ADGRB3: variants seen among roughly 807,000 people sequenced by gnomAD.
ADGRB3 encodes the protein adhesion G protein-coupled receptor B3, also known as brain-specific angiogenesis inhibitor 3.
ADGRB3 carries 37 observed loss-of-function variants against 193.4 expected under a neutral mutation model. The observed-to-expected ratio is 0.19, with a 90% CI of 0.15 to 0.25. The LOEUF (loss-of-function observed/expected upper bound fraction) is 0.25, where lower values mean the gene tolerates loss of function less well. Ranked by LOEUF, ADGRB3 falls within the 10% of genes least tolerant of loss-of-function variation. The pLI is 1.00. For synonymous variants in ADGRB3, 690 were observed against 644.2 expected, an observed-to-expected ratio of 1.07 and a Z score of -1.08; for missense variants, 1,637 against 1,852.9, an observed-to-expected ratio of 0.88 and a Z score of 2.14.
chr6:68,717,474 T>C (rs550129543), intron 3 of ADGRB3, among the ~76,000 whole-genome samples: 14 of 151,824 alleles, frequency 9.2e-5, no homozygotes, highest in African/African-American at 3.1e-4. Context: ...ATAGAAAGTC[T>C]TCCTAAATGG....
At chr6:69,099,346 T>C (rs1170622910) in intron 17 of ADGRB3, among the ~76,000 whole-genome samples, 2 of 152,242 alleles carry the variant, frequency 1.3e-5, no homozygotes, top group African/African-American at 4.8e-5. Flanking sequence ...TCTGTTCTGA[T>C]TGAGCCTAAA....
intron 17 of ADGRB3, among the ~76,000 whole-genome samples, chr6:69,207,283 GCCACTT>G (rs1561952694): frequency 6.6e-6 from 1 of 152,144 alleles, no homozygotes. Flanking sequence ...GGTGAGTGGT[GCCACTT>G]CCACTTCCAT....
intron 17 of ADGRB3, among the ~76,000 whole-genome samples, chr6:69,079,608 T>G (rs999637922): frequency 6.6e-5 from 10 of 152,044 alleles, no homozygotes. Context: ...ATAAAGGGTA[T>G]GCGACTAGGA....
chr6:69,043,762 G>GAC (rs1319682417), intron 13 of ADGRB3, among the ~76,000 whole-genome samples: 1 of 152,206 alleles, frequency 6.6e-6, no homozygotes, highest in Non-Finnish European at 1.5e-5. Flanking sequence ...AAGACATTGA[G>GAC]ACACAGAGAG....
rs545246707 is a variant in ADGRB3, at chr6:69,382,203, G to C, written c.4276-628G>C. ...ACAATTTATGCTCTGAACCCTAATTGTTAAGAATCTATACCATCTCCTAAA... is the reference window on the plus strand; with the variant it reads ...ACAATTTATGCTCTGAACCCTAATTCTTAAGAATCTATACCATCTCCTAAA... On this transcript the variant is annotated intron_variant, in intron 30 of 31. Transcript: ENST00000370598. Among the ~76,000 whole-genome samples, 7 of 151,870 alleles carry C rather than the reference G, an allele frequency of 4.6e-5. 1 individual carries two copies. Among genetic ancestry groups the C allele is most frequent in the Non-Finnish European group, 7.4e-5 (5 of 67,904 alleles).
At chr6:68,881,365 G>C (rs999060748) in intron 3 of ADGRB3, among the ~76,000 whole-genome samples, 1 of 151,950 alleles carries the variant, frequency 6.6e-6, no homozygotes, top group African/African-American at 2.4e-5. Flanking sequence ...TTCAATATAT[G>C]CCTTTTTTCC....
At chr6:68,639,743 T>G (rs767023468) in intron 3 of ADGRB3, among the ~76,000 whole-genome samples, 2 of 152,032 alleles carry the variant, frequency 1.3e-5, no homozygotes, top group Non-Finnish European at 2.9e-5. Context: ...GGTTTCTTTA[T>G]TCAGGCTGCA....
chr6:69,184,455 C>A (rs2150352607), intron 17 of ADGRB3, among the ~76,000 whole-genome samples: 1 of 152,088 alleles, frequency 6.6e-6, no homozygotes, highest in South Asian at 2.1e-4. Context: ...AGAAAAAGAC[C>A]TAGGCAGAAT....
intron 3 of ADGRB3, among the ~76,000 whole-genome samples, chr6:68,913,272 C>G (rs1021800942): frequency 6.6e-6 from 1 of 151,990 alleles, no homozygotes; most frequent in Non-Finnish European, 1.5e-5. Flanking sequence ...GACCCCCGAG[C>G]AGCCTAACTG....
intron 17 of ADGRB3, among the ~76,000 whole-genome samples, chr6:69,213,652 G>A (rs1765713792): frequency 1.3e-5 from 2 of 151,932 alleles, no homozygotes; most frequent in South Asian, 4.2e-4. Context: ...TACACTCCTG[G>A]CTCCTTCCTC....
At chr6:69,140,761 C>A (rs1173645848) in intron 17 of ADGRB3, among the ~76,000 whole-genome samples, 2 of 151,674 alleles carry the variant, frequency 1.3e-5, no homozygotes, top group Admixed American at 6.6e-5. Flanking sequence ...TTTTGTGTAA[C>A]CCATAAATAT....
chr6:69,123,370 GC>G (rs970350773), intron 17 of ADGRB3, among the ~76,000 whole-genome samples: 2 of 152,048 alleles, frequency 1.3e-5, no homozygotes, highest in Non-Finnish European at 2.9e-5. Flanking sequence ...TTTACCTCCT[GC>G]CTCTGAAATT....
At chr6:69,223,020 C>T (rs749334861) in intron 17 of ADGRB3, among the ~76,000 whole-genome samples, 8 of 152,108 alleles carry the variant, frequency 5.3e-5, no homozygotes, top group Middle Eastern at 3.4e-3. Flanking sequence ...AGTAATATTT[C>T]GTGCAGCCAC....
chr6:69,367,553 T>C (rs1437744583), intron 29 of ADGRB3, among the ~76,000 whole-genome samples: 1 of 152,044 alleles, frequency 6.6e-6, no homozygotes, highest in African/African-American at 2.4e-5. Context: ...ATGATTGCCA[T>C]TCTAACTGGT....
chr6:69,248,761 G>T (rs1369794141), intron 20 of ADGRB3, among the ~76,000 whole-genome samples: 3 of 152,174 alleles, frequency 2.0e-5, no homozygotes, highest in Admixed American at 6.6e-5. Flanking sequence ...CTTTCTAGAA[G>T]TATCTTATGT....
At chr6:69,219,784 TATC>T (rs1765854307) in intron 17 of ADGRB3, among the ~76,000 whole-genome samples, 1 of 151,884 alleles carries the variant, frequency 6.6e-6, no homozygotes, top group South Asian at 2.1e-4. Flanking sequence ...TATGCATTCT[TATC>T]ACCAAGAAAT....
At chr6:68,867,803 C>T (rs1027224759) in intron 3 of ADGRB3, among the ~76,000 whole-genome samples, 3 of 152,174 alleles carry the variant, frequency 2.0e-5, no homozygotes, top group Non-Finnish European at 4.4e-5. Flanking sequence ...TAATGACTGT[C>T]CTGCTGGGTT....
intron 6 of ADGRB3, 56 bp downstream of exon 6, chr6:68,944,050 T>G: frequency 6.6e-7 from 1 of 1,512,252 alleles, no homozygotes; most frequent in Non-Finnish European, 9.0e-7. Context: ...ATATGATTCC[T>G]AGTGTACACA....
intron 3 of ADGRB3, among the ~76,000 whole-genome samples, chr6:68,805,490 G>C (rs9346244): frequency 6.6e-6 from 1 of 152,022 alleles, no homozygotes; most frequent in South Asian, 2.1e-4. Context: ...ATTATGAGTC[G>C]AACTTTGTCT....
Sources: gnomAD v4.1 joint callset for allele counts (sites outside exome capture counted in the v4.1 genomes callset) on GRCh38, gnomAD v4.1.1 for gene constraint, MANE v1.5 for transcripts, NCBI Gene and HGNC (gene_info 2026-07-23, HGNC 2026-07-21) for gene names.